The following RECK variants were observed in gnomAD, a reference collection of about 807,000 sequenced individuals.
The protein encoded by RECK is reversion inducing cysteine rich protein with kazal motifs, also known as reversion-inducing cysteine-rich protein with Kazal motifs.
In RECK, 69 loss-of-function variants were observed where a neutral mutation model predicts 115.1. That is an observed-to-expected ratio of 0.60 (90% CI 0.49 to 0.73). RECK has a LOEUF of 0.73. Ranked by LOEUF, RECK falls within the 30% of genes least tolerant of loss-of-function variation. The pLI is 0.00. For missense variants in RECK, 1,047 were observed against 1,203.7 expected (o/e 0.87, Z 1.93); for synonymous variants, 414 against 419.7 (o/e 0.99, Z 0.17).
chr9:36,121,583 C>T lies in RECK; in HGVS notation c.2589C>T (p.Arg863=). The change falls in exon 20 of 21, where the codon CGC becomes CGT. Residue 863 remains arginine, a synonymous_variant. Transcript: ENST00000377966. Reference sequence around the variant, plus strand: ...TTCTGGAAATACTTCAGAAAATCCGCATGCACGTGTCTGTCCCACAGTGTG... The same window carrying T: ...TTCTGGAAATACTTCAGAAAATCCGTATGCACGTGTCTGTCCCACAGTGTG... ...ITVLEILQKI[R]MHVSVPQCDV... The T allele has an allele frequency of 6.2e-7, 1 of 1,614,036 alleles. No individual in the cohort carries two copies. The highest frequency in any genetic ancestry group is 8.5e-7 in the Non-Finnish European group (1 of 1,179,898).
chr9:36,120,721 G>A lies in RECK; in HGVS notation c.2523G>A (p.Leu841=). 1 of 1,607,650 alleles carries A rather than the reference G, an allele frequency of 6.2e-7. No individual in the cohort carries two copies. Among genetic ancestry groups the A allele is most frequent in the South Asian group, 1.1e-5 (1 of 90,948 alleles). Reference sequence around the variant, plus strand: ...GAGTTTTATTTGACAAAGAAAAACTGGATACTATTGCTAAGGTAAATTGCT... The same window carrying A: ...GAGTTTTATTTGACAAAGAAAAACTAGATACTATTGCTAAGGTAAATTGCT... The part of the protein sequence containing the change: ...MLRVLFDKEK[L]DTIAKVTNKK... The change falls in exon 19 of 21, where the codon CTG becomes CTA. Residue 841 remains leucine (L), a synonymous_variant. Transcript: ENST00000377966.
rs1821880573 is a variant in RECK at position 36,063,843 on chromosome 9, T to C, written c.320T>C (p.Leu107Pro). The part of the protein sequence containing the change: ...DGWVGLGCCE[L>P]AIALECRQAC... ...TGGGTTGGCTTAGGCTGCTGTGAAC[T>C]GGCTATTGCCTTGGAGTGTCGACAG... The change falls in exon 5 of 21, where the codon CTG becomes CCG. Residue 107 changes from leucine to proline, a missense_variant. Coordinates refer to ENST00000377966, the MANE Select transcript of RECK (RefSeq NM_021111.3). 1 of 1,614,168 alleles carries C rather than the reference T, an allele frequency of 6.2e-7. No individual in the cohort carries two copies. Among genetic ancestry groups the C allele is most frequent in the African/African-American group, 1.3e-5 (1 of 75,084 alleles).
chr9:36,121,438 A>C (rs1302764364), intron 19 of RECK, 95 bp from the exon 20 acceptor site: 1 of 1,240,572 alleles, frequency 8.1e-7, no homozygotes, highest in Non-Finnish European at 1.1e-6. Flanking sequence ...TGTGCGGTCA[A>C]AAGAGCCTCC....
In RECK at chr9:36,063,831, G is replaced by A. The variant is rs1564107990; in HGVS notation, c.308G>A (p.Gly103Asp). 20 of 1,613,980 alleles carry A rather than the reference G, an allele frequency of 1.2e-5. No individual in the cohort carries two copies. The highest frequency in any genetic ancestry group is 1.5e-5 in the Non-Finnish European group (18 of 1,179,974). ...AAGTCTGATGGCTGGGTTGGCTTAG[G>A]CTGCTGTGAACTGGCTATTGCCTTG... ...FKKSDGWVGL[G>D]CCELAIALEC... is the part of the protein sequence containing the mutation. Residue 103 changes from glycine (G) to aspartate (D), a missense_variant, in exon 5 of 21, where the codon GGC becomes GAC. Transcript: ENST00000377966.
At chr9:36,083,647 G>T in intron 8 of RECK, 85 bp downstream of exon 8, 1 of 1,359,478 alleles carries the variant, frequency 7.4e-7, no homozygotes, top group Non-Finnish European at 1.0e-6. Context: ...GTAGATATCT[G>T]CAGTCTGGGT....
chr9:36,104,266 C>A (rs1823674649), intron 12 of RECK, among the ~76,000 whole-genome samples: 1 of 116,312 alleles, frequency 8.6e-6, no homozygotes, highest in Admixed American at 1.1e-4. Flanking sequence ...TACACATATA[C>A]ATACATAGCA....
intron 6 of RECK, among the ~76,000 whole-genome samples, chr9:36,079,546 A>G (rs1466498961): frequency 6.6e-6 from 1 of 152,182 alleles, no homozygotes; most frequent in Non-Finnish European, 1.5e-5. Flanking sequence ...AGCAGAGAAA[A>G]TGAATGAATA....
intron 19 of RECK, 46 bp downstream of exon 19, chr9:36,120,782 C>A (rs766502373): frequency 2.4e-6 from 3 of 1,230,288 alleles, no homozygotes; most frequent in Non-Finnish European, 3.6e-6. Context: ...TATTGCTAAG[C>A]CTCTCAGTAA....
chr9:36,043,009 A>C (rs1295074774), intron 1 of RECK, among the ~76,000 whole-genome samples: 8 of 75,410 alleles, frequency 1.1e-4, no homozygotes, highest in South Asian at 4.2e-4. Context: ...TCCTTAGCCC[A>C]CTTTTTTTTT....
At chr9:36,108,590 G>A (rs983492345) in intron 14 of RECK, among the ~76,000 whole-genome samples, 10 of 152,148 alleles carry the variant, frequency 6.6e-5, no homozygotes, top group African/African-American at 2.4e-4. Context: ...AATCCCTTAC[G>A]CTTCACAGGC....
chr9:36,114,068 T>G (rs12350601), intron 16 of RECK, among the ~76,000 whole-genome samples: 7,805 of 152,220 alleles, frequency 0.051, 674 homozygotes, highest in African/African-American at 0.17. Context: ...TCCTCTTCTG[T>G]GTCTTCTGCA....
In RECK at chr9:36,044,545, G is replaced by A. The variant is rs929874240; in HGVS notation, c.100+7447G>A. On this transcript the variant is annotated intron_variant, in intron 1 of 20. Coordinates refer to ENST00000377966, the MANE Select transcript of RECK (RefSeq NM_021111.3). ...TCAGTGAATCTAATTTTTGAGCTGA[G>A]CACTGTGCTAATTGTACCAAGAAGC... 2.0e-5 allele frequency among the ~76,000 whole-genome samples: 3 copies of A among 152,114 alleles called. No individual in the cohort carries two copies. The East Asian group carries it at 5.8e-4, about 29-fold the overall frequency.
chr9:36,118,686 G>A (rs1824352657), intron 17 of RECK, 71 bp from the exon 18 acceptor site: 1 of 1,409,738 alleles, frequency 7.1e-7, no homozygotes, highest in Non-Finnish European at 9.9e-7. Context: ...AGGGAGGCAT[G>A]CTGTGTACTC....
intron 20 of RECK, 105 bp from the exon 21 acceptor site, chr9:36,122,719 C>G: frequency 1.3e-6 from 1 of 785,946 alleles, no homozygotes; most frequent in Non-Finnish European, 2.1e-6. Context: ...AAAGTAAATG[C>G]CCTCTGAGGC....
At position 36,108,768 on chromosome 9, in the gene RECK, CCT is replaced by C. The variant is rs572814453; in HGVS notation, c.1765+605_1765+606del. On this transcript the variant is annotated intron_variant, in intron 14 of 20. Coordinates refer to ENST00000377966, the MANE Select transcript of RECK (RefSeq NM_021111.3). ...AGTACATTAAAAAGTACTTTGACCA[CCT>C]TCCCTAAAAATCTTAGACTCCACTG... 4.4e-4 allele frequency among the ~76,000 whole-genome samples: 67 copies of C among 152,232 alleles called. 2 individuals carry two copies. The South Asian group carries it at 0.013, about 30-fold the overall frequency.
intron 1 of RECK, among the ~76,000 whole-genome samples, chr9:36,041,718 A>G (rs1476190935): frequency 2.0e-5 from 3 of 150,130 alleles, no homozygotes; most frequent in Admixed American, 2.0e-4. Context: ...TTTATCTCAC[A>G]TGGCTTCTCT....
chr9:36,119,713 G>A (rs1824386505), intron 18 of RECK, among the ~76,000 whole-genome samples: 1 of 152,176 alleles, frequency 6.6e-6, no homozygotes, highest in Non-Finnish European at 1.5e-5. Flanking sequence ...TGGAGACCAT[G>A]TTCTGAGGGA....
chr9:36,096,053 A>ACC (rs1823325173), intron 10 of RECK, among the ~76,000 whole-genome samples: 1 of 141,254 alleles, frequency 7.1e-6, no homozygotes, highest in African/African-American at 2.6e-5. Context: ...GGGCAACAAG[A>ACC]ATGAAACTCC....
rs1247142370 is a variant in RECK, at chr9:36,100,435, T to C, written c.1190T>C (p.Ile397Thr). 2.5e-6 allele frequency: 4 copies of C among 1,612,716 alleles called. No homozygotes were observed. Among genetic ancestry groups the C allele is most frequent in the African/African-American group, 2.7e-5 (2 of 74,914 alleles). Residue 397 changes from isoleucine to threonine, a missense_variant, in exon 11 of 21, where the codon ATA becomes ACA. Transcript: ENST00000377966. ...KGSIKMPFIN[I>T]PVLDIKKCQP... is the part of the protein sequence containing the mutation. ...AGCATAAAGATGCCATTTATCAATA[T>C]ACCTGTTCTTGATATTAAAAAGTGC...
Sources: allele counts gnomAD v4.1 joint callset (sites outside exome capture counted in the v4.1 genomes callset), GRCh38; gene constraint gnomAD v4.1.1; transcripts MANE v1.5; gene names NCBI Gene and HGNC (gene_info 2026-07-23, HGNC 2026-07-21).